The following NDST3 variants were observed in gnomAD, a reference collection of about 807,000 sequenced individuals.
NDST3 encodes bifunctional heparan sulfate N-deacetylase/N-sulfotransferase 3.
NDST3 carries 58 observed loss-of-function variants against 96.1 expected under a neutral mutation model. That is an observed-to-expected ratio of 0.60 (90% CI 0.49 to 0.75). NDST3 has a LOEUF of 0.75. NDST3 is among the 30% of genes least tolerant of loss of function. The probability of loss-of-function intolerance (pLI) is 0.00; values close to 1 mark genes in which losing one functional copy is unlikely to be tolerated. For missense variants in NDST3, 788 were observed against 1,034.2 expected (o/e 0.76, Z 3.27); for synonymous variants, 333 against 359.7 (o/e 0.93, Z 0.84).
In NDST3 at chr4:118,148,000, C is replaced by T. The variant is rs536193446; in HGVS notation, c.1539+4316C>T. On this transcript the variant is annotated intron_variant, in intron 6 of 13. Transcript: ENST00000296499. ...CCAAAAAAGCAGCTGTGGATTGCCA[C>T]AAGATTCATGCCAATGGGCCAGGCG... 1.2e-4 allele frequency among the ~76,000 whole-genome samples: 18 copies of T among 152,226 alleles called. No individual in the cohort carries two copies. The South Asian group carries it at 3.3e-3, about 28-fold the overall frequency.
At chr4:118,209,218 C>G (rs896573391) in intron 6 of NDST3, among the ~76,000 whole-genome samples, 1 of 152,132 alleles carries the variant, frequency 6.6e-6, no homozygotes, top group African/African-American at 2.4e-5. Context: ...ATTAATATAA[C>G]CTTTGTGCTA....
At chr4:118,065,213 T>G (rs2110475682) in intron 2 of NDST3, among the ~76,000 whole-genome samples, 1 of 152,250 alleles carries the variant, frequency 6.6e-6, no homozygotes, top group South Asian at 2.1e-4. Context: ...CATGCTACAA[T>G]TCTTACAACG....
intron 1 of NDST3, among the ~76,000 whole-genome samples, chr4:118,045,812 T>A (rs1169487514): frequency 6.6e-6 from 1 of 152,156 alleles, no homozygotes; most frequent in African/African-American, 2.4e-5. Context: ...CCTGTGCTTG[T>A]TGTTGTACCA....
chr4:118,251,502 C>G (rs1649251960), intron 12 of NDST3, among the ~76,000 whole-genome samples: 1 of 152,072 alleles, frequency 6.6e-6, no homozygotes, highest in Non-Finnish European at 1.5e-5. Context: ...CAATGTTCAG[C>G]TTTTTCATAT....
At chr4:118,045,992 C>T (rs1417713479) in intron 1 of NDST3, among the ~76,000 whole-genome samples, 1 of 151,690 alleles carries the variant, frequency 6.6e-6, no homozygotes, top group Non-Finnish European at 1.5e-5. Context: ...CTAGATGCAG[C>T]AAAGAAGTGC....
rs149096171 is a variant in NDST3 at position 118,100,102 on chromosome 4, G to A, written c.982-4916G>A. ...TGATTTGAGGTGTGTCCGTGGGAGT[G>A]TTTCTGGAAGAGATAAGCTTTTGAA... On this transcript the variant is annotated intron_variant, in intron 2 of 13. Coordinates refer to ENST00000296499, the MANE Select transcript of NDST3 (RefSeq NM_004784.3). Among the ~76,000 whole-genome samples the A allele has an allele frequency of 1.6e-4, 25 of 152,172 alleles. No homozygotes were observed. The East Asian group carries it at 4.8e-3, about 29-fold the overall frequency.
chr4:118,070,645 TTC>T (rs200467266), intron 2 of NDST3, among the ~76,000 whole-genome samples: 7,667 of 147,798 alleles, frequency 0.052, 206 homozygotes, highest in Non-Finnish European at 0.08. Flanking sequence ...ACCTCAACCA[TTC>T]TTTTTTTTTT....
At chr4:118,204,068 C>T (rs1738272805) in intron 6 of NDST3, among the ~76,000 whole-genome samples, 1 of 152,066 alleles carries the variant, frequency 6.6e-6, no homozygotes, top group Non-Finnish European at 1.5e-5. Flanking sequence ...TTGTGACTTC[C>T]AAACCTAGTT....
At chr4:118,077,915 G>A (rs933168602) in intron 2 of NDST3, among the ~76,000 whole-genome samples, 3 of 152,200 alleles carry the variant, frequency 2.0e-5, no homozygotes, top group African/African-American at 7.2e-5. Flanking sequence ...AGTGGCAGGA[G>A]TGAGTGGGGT....
intron 2 of NDST3, among the ~76,000 whole-genome samples, chr4:118,086,549 A>T (rs1041313765): frequency 6.6e-6 from 1 of 152,312 alleles, no homozygotes. Flanking sequence ...CAGGAATTAC[A>T]TAAAAGCAAT....
chr4:118,137,567 GGAC>G (rs1386483531), intron 4 of NDST3, among the ~76,000 whole-genome samples: 1 of 152,144 alleles, frequency 6.6e-6, no homozygotes, highest in Non-Finnish European at 1.5e-5. Flanking sequence ...CATGCTGAAA[GGAC>G]AACAGAAATG....
intron 6 of NDST3, among the ~76,000 whole-genome samples, chr4:118,161,569 G>A (rs1193905618): frequency 6.6e-6 from 1 of 152,168 alleles, no homozygotes; most frequent in Non-Finnish European, 1.5e-5. Flanking sequence ...AGCAAGCCTG[G>A]GCGATGGTGG....
intron 13 of NDST3, 37 bp from the exon 14 acceptor site, chr4:118,255,556 A>C: frequency 6.4e-7 from 1 of 1,574,694 alleles, no homozygotes; most frequent in Non-Finnish European, 8.6e-7. Flanking sequence ...GTAATAAACA[A>C]AATAAAATGT....
intron 6 of NDST3, among the ~76,000 whole-genome samples, chr4:118,197,881 C>A (rs1358682862): frequency 6.7e-6 from 1 of 150,012 alleles, no homozygotes; most frequent in Non-Finnish European, 1.5e-5. Flanking sequence ...CTTGCTGCAA[C>A]CTCCGCCTCC....
At chr4:118,164,321 CA>C (rs1735401257) in intron 6 of NDST3, among the ~76,000 whole-genome samples, 1 of 152,110 alleles carries the variant, frequency 6.6e-6, no homozygotes, top group African/African-American at 2.4e-5. Flanking sequence ...AGGGGAACAA[CA>C]GACACTTGGG....
At chr4:118,078,491 C>G (rs1358504909) in intron 2 of NDST3, among the ~76,000 whole-genome samples, 1 of 152,152 alleles carries the variant, frequency 6.6e-6, no homozygotes, top group Admixed American at 6.5e-5. Context: ...GTGGCTCACA[C>G]CTGTAATCTC....
intron 6 of NDST3, among the ~76,000 whole-genome samples, chr4:118,201,365 C>T (rs1486688599): frequency 6.6e-6 from 1 of 152,184 alleles, no homozygotes; most frequent in Non-Finnish European, 1.5e-5. Flanking sequence ...CTCCAGATTG[C>T]TTTCCACAGT....
intron 1 of NDST3, among the ~76,000 whole-genome samples, chr4:118,049,928 T>C (rs933392921): frequency 2.0e-5 from 3 of 151,586 alleles, no homozygotes; most frequent in South Asian, 2.1e-4. Flanking sequence ...AGAGACACAA[T>C]GAAGAAAAAA....
chr4:118,040,865 T>TTATATATATATATA (rs995950295), intron 1 of NDST3, among the ~76,000 whole-genome samples: 46 of 28,744 alleles, frequency 1.6e-3, no homozygotes, highest in Non-Finnish European at 5.1e-3. Flanking sequence ...ATTTATATAT[T>TTATATATATATATA]TTTATATATA....
Sources: allele counts gnomAD v4.1 joint callset (sites outside exome capture counted in the v4.1 genomes callset), GRCh38; gene constraint gnomAD v4.1.1; transcripts MANE v1.5; gene names NCBI Gene and HGNC (gene_info 2026-07-23, HGNC 2026-07-21).